The following SDK2 variants were observed in gnomAD, a reference collection of about 807,000 sequenced individuals.
SDK2 encodes protein sidekick-2.
SDK2 carries 105 observed loss-of-function variants against 253.9 expected under a neutral mutation model. That is an observed-to-expected ratio of 0.41 (90% confidence interval 0.35 to 0.49). SDK2 has a LOEUF of 0.49. SDK2 is among the 20% of genes least tolerant of loss of function. SDK2 has a pLI of 0.06. For synonymous variants in SDK2, 1,249 were observed against 1,234.9 expected (o/e 1.01, Z -0.24); for missense variants, 2,608 against 3,003.0 (o/e 0.87, Z 3.07).
At chr17:73,589,208 A>G (rs1391277623) in intron 1 of SDK2, among the ~76,000 whole-genome samples, 1 of 152,290 alleles carries the variant, frequency 6.6e-6, no homozygotes, top group African/African-American at 2.4e-5. Flanking sequence ...CCAGGATGCA[A>G]GAAATTCACG....
At chr17:73,368,310 GC>G in intron 37 of SDK2, 96 bp downstream of exon 37, 1 of 1,137,366 alleles carries the variant, frequency 8.8e-7, no homozygotes, top group Non-Finnish European at 1.2e-6. Context: ...TAAGGCAGCT[GC>G]CCCCATGCCT....
chr17:73,369,980 C>T (rs2062721166), intron 36 of SDK2, among the ~76,000 whole-genome samples: 1 of 152,188 alleles, frequency 6.6e-6, no homozygotes, highest in Non-Finnish European at 1.5e-5. Context: ...CACAGGTTAA[C>T]ACTTCTGCTA....
chr17:73,419,806 C>T (rs10852748), intron 15 of SDK2, among the ~76,000 whole-genome samples: 98,038 of 146,998 alleles, frequency 0.67, 33,955 homozygotes, highest in Non-Finnish European at 0.76. Flanking sequence ...ATGGCTTGAG[C>T]CCAGGAGGTT....
At chr17:73,356,168 C>G (rs1373784311) in intron 40 of SDK2, among the ~76,000 whole-genome samples, 1 of 152,312 alleles carries the variant, frequency 6.6e-6, no homozygotes, top group South Asian at 2.1e-4. Flanking sequence ...TTTCTGGCAC[C>G]GAACTTCCCT....
In SDK2 at chr17:73,644,271, T is replaced by C. The variant is rs979917713; in HGVS notation, c.-183A>G. 2.6e-5 allele frequency among the ~76,000 whole-genome samples: 4 copies of C among 152,000 alleles called. No homozygotes were observed. Among genetic ancestry groups the C allele is most frequent in the African/African-American group, 9.7e-5 (4 of 41,406 alleles). On this transcript the variant is annotated 5_prime_UTR_variant, in exon 1 of 45. Transcript: ENST00000392650. This position sits in a 1 kb window ranked among gnomAD's most constrained non-coding sequence, Gnocchi z 6.3. ...TGGCTACCCCAACCCTTCCTCCTCTTCTGTACTAGTCCGAGCCCGGCAGCG... is the reference window on the plus strand; with the variant it reads ...TGGCTACCCCAACCCTTCCTCCTCTCCTGTACTAGTCCGAGCCCGGCAGCG...
intron 1 of SDK2, among the ~76,000 whole-genome samples, chr17:73,572,806 T>C (rs1038138138): frequency 1.8e-4 from 27 of 152,308 alleles, no homozygotes; most frequent in African/African-American, 6.0e-4. Flanking sequence ...ATGACTGATG[T>C]GTCTTCCATC....
In SDK2 at chr17:73,483,484, T is replaced by G. The variant is rs992640514; in HGVS notation, c.225-11266A>C. Among the ~76,000 whole-genome samples the G allele has an allele frequency of 1.7e-4, 11 of 64,726 alleles. No homozygotes were observed. The Middle Eastern group carries it at 0.019, about 113-fold the overall frequency. 42.5% of individuals were successfully genotyped at this position (64,726 alleles called of 152,430 possible). On this transcript the variant is annotated intron_variant, in intron 2 of 44. Coordinates refer to ENST00000392650, the MANE Select transcript of SDK2 (RefSeq NM_001144952.2). ...CCACCACACCTGGCTAATCTTTGTG[T>G]GTGTGTGTGTGTGTGTGTGTGTGTG...
In SDK2 at chr17:73,337,352, TG is replaced by T. The variant is rs762947960; in HGVS notation, c.*1234del. The T allele has an allele frequency of 1.3e-5, 2 of 152,366 alleles. No homozygotes were observed. The highest frequency in any genetic ancestry group is 2.4e-5 in the African/African-American group (1 of 41,450). The allele number at this position is 152,366 out of a possible 1,614,324, so 9.4% of individuals were successfully genotyped here. On this transcript the variant is annotated 3_prime_UTR_variant, in exon 45 of 45. Transcript: ENST00000392650. The stretch of plus-strand genomic sequence containing the variant: ...GGACCAGGGACTTGGGCCACCCCTC[TG>T]GGCTCCTGTGCCTCTGTGCTTAGGA...
intron 1 of SDK2, among the ~76,000 whole-genome samples, chr17:73,510,934 T>G (rs1186583317): frequency 6.6e-6 from 1 of 152,206 alleles, no homozygotes; most frequent in East Asian, 1.9e-4. Context: ...GAGGTGTGAC[T>G]ACCACTGCTG....
chr17:73,459,418 G>A (rs192250863), intron 3 of SDK2, among the ~76,000 whole-genome samples: 1 of 152,090 alleles, frequency 6.6e-6, no homozygotes, highest in Non-Finnish European at 1.5e-5. Flanking sequence ...CCCACACCAC[G>A]TCCTGCCACC....
rs569789018 is a variant in SDK2, at chr17:73,523,850, C to A, written c.65-16253G>T. Among the ~76,000 whole-genome samples, 6 of 152,124 alleles carry A rather than the reference C, an allele frequency of 3.9e-5. No individual in the cohort carries two copies. The South Asian group carries it at 1.2e-3, about 32-fold the overall frequency. On this transcript the variant is annotated intron_variant, in intron 1 of 44. Coordinates refer to ENST00000392650, the MANE Select transcript of SDK2 (RefSeq NM_001144952.2). Reference sequence around the variant, plus strand: ...TTCCCAGATGCTGCCCCAGCAGAAGCGAGCCCCCTCTTGTATGCTCACATG... The same window carrying A: ...TTCCCAGATGCTGCCCCAGCAGAAGAGAGCCCCCTCTTGTATGCTCACATG...
At chr17:73,423,226 C>A (rs1651898822) in intron 14 of SDK2, among the ~76,000 whole-genome samples, 160 bp downstream of exon 14, 1 of 152,154 alleles carries the variant, frequency 6.6e-6, no homozygotes, top group Non-Finnish European at 1.5e-5. Context: ...AGGCAGATGC[C>A]TGTGTTTCCT....
intron 1 of SDK2, among the ~76,000 whole-genome samples, chr17:73,610,052 A>C (rs558017101): frequency 6.6e-6 from 1 of 152,166 alleles, no homozygotes; most frequent in Non-Finnish European, 1.5e-5. Context: ...CCCCACGGAG[A>C]CATGGGGAAG....
intron 1 of SDK2, among the ~76,000 whole-genome samples, chr17:73,568,216 G>A (rs2045335085): frequency 6.6e-6 from 1 of 152,138 alleles, no homozygotes; most frequent in African/African-American, 2.4e-5. Flanking sequence ...TTGTTTAAAG[G>A]AGGCTGGCAC....
chr17:73,580,719 C>G (rs1198137077), intron 1 of SDK2, among the ~76,000 whole-genome samples: 2 of 152,246 alleles, frequency 1.3e-5, no homozygotes, highest in Non-Finnish European at 2.9e-5. Flanking sequence ...TATTTTAGTA[C>G]AGGCTGAGTA....
At chr17:73,638,079 T>A (rs1013966353) in intron 1 of SDK2, among the ~76,000 whole-genome samples, 1 of 152,172 alleles carries the variant, frequency 6.6e-6, no homozygotes, top group African/African-American at 2.4e-5. Flanking sequence ...GAGGGCTACA[T>A]GGCATGGGGT....
rs771971704 is a variant in SDK2, at chr17:73,447,854, C to T, written c.480-106G>A. ...GGGAAGCCCGACCATATCTCCCAGTCCCCAGCCTCCCAGGGCCCCTCCTGC... is the reference window on the plus strand; with the variant it reads ...GGGAAGCCCGACCATATCTCCCAGTTCCCAGCCTCCCAGGGCCCCTCCTGC... On this transcript the variant is annotated intron_variant, in intron 4 of 44. Coordinates refer to ENST00000392650, the MANE Select transcript of SDK2 (RefSeq NM_001144952.2). This position sits in a 1 kb window ranked among gnomAD's most constrained non-coding sequence, Gnocchi z 4.0. The T allele has an allele frequency of 1.2e-4, 165 of 1,346,148 alleles. No individual in the cohort carries two copies. Among genetic ancestry groups the T allele is most frequent in the Non-Finnish European group, 1.7e-4 (163 of 977,414 alleles). The allele number at this position is 1,346,148 out of a possible 1,614,324, so 83.4% of individuals were successfully genotyped here.
intron 44 of SDK2, among the ~76,000 whole-genome samples, chr17:73,344,818 C>T (rs994706359): frequency 6.6e-6 from 1 of 152,180 alleles, no homozygotes; most frequent in African/African-American, 2.4e-5. Flanking sequence ...AGGTCAGAGC[C>T]GTTCAGTAGA....
chr17:73,394,168 GC>G lies in SDK2; in HGVS notation c.3708+40del. ...CCCCTTGGATGGAGAGGCTGGAGGGGCCAGTGTAGGGACCCCACCTCCTGGG... is the reference window on the plus strand; with the variant it reads ...CCCCTTGGATGGAGAGGCTGGAGGGGCAGTGTAGGGACCCCACCTCCTGGG... On this transcript the variant is annotated intron_variant, in intron 26 of 44. Transcript: ENST00000392650. 4 of 1,279,770 alleles carry G rather than the reference GC, an allele frequency of 3.1e-6. No homozygotes were observed. The South Asian group carries it at 4.9e-5, about 16-fold the overall frequency. The allele number at this position is 1,279,770 out of a possible 1,614,324, so 79.3% of individuals were successfully genotyped here.
Sources: allele counts gnomAD v4.1 joint callset (sites outside exome capture counted in the v4.1 genomes callset), GRCh38; gene constraint gnomAD v4.1.1; non-coding constraint Gnocchi (gnomAD v3.1); transcripts MANE v1.5; gene names NCBI Gene and HGNC (gene_info 2026-07-23, HGNC 2026-07-21).